Variants in SLC8A3 observed in about 807,000 individuals in gnomAD.
SLC8A3 encodes solute carrier family 8 member A3.
A neutral mutation model predicts 65.4 loss-of-function variants in SLC8A3; 37 were observed. The observed-to-expected ratio is 0.57, with a 90% CI of 0.44 to 0.74. The LOEUF is 0.74. Ranked by LOEUF, SLC8A3 falls within the 30% of genes least tolerant of loss-of-function variation. The pLI is 0.00. For synonymous variants in SLC8A3, 461 were observed against 444.5 expected (o/e 1.04, Z -0.47); for missense variants, 1,112 against 1,172.1 (o/e 0.95, Z 0.75).
chr14:70,109,236 C>G (rs1163798456), intron 2 of SLC8A3, among the ~76,000 whole-genome samples: 4 of 141,692 alleles, frequency 2.8e-5, no homozygotes, highest in Non-Finnish European at 6.0e-5. Context: ...GATACATGTG[C>G]TGAACATGCA....
At chr14:70,057,294 G>A (rs145162603) in intron 3 of SLC8A3, among the ~76,000 whole-genome samples, 3 of 149,462 alleles carry the variant, frequency 2.0e-5, no homozygotes, top group Admixed American at 6.7e-5. Context: ...AGGCAGATAG[G>A]TAGATAGATA....
intron 1 of SLC8A3, among the ~76,000 whole-genome samples, chr14:70,176,210 G>T (rs1215446923): frequency 1.3e-5 from 2 of 152,158 alleles, no homozygotes; most frequent in Non-Finnish European, 2.9e-5. Context: ...CACTGAGAGT[G>T]GGCCAGAGAG....
intron 2 of SLC8A3, among the ~76,000 whole-genome samples, chr14:70,098,651 C>T (rs1272965827): frequency 2.0e-5 from 3 of 152,300 alleles, no homozygotes; most frequent in Middle Eastern, 3.4e-3. Context: ...AGTCAGCTGT[C>T]CTGGTCAGCA....
chr14:70,132,086 T>A (rs1894874361), intron 2 of SLC8A3, among the ~76,000 whole-genome samples: 1 of 152,252 alleles, frequency 6.6e-6, no homozygotes, highest in Non-Finnish European at 1.5e-5. Context: ...AGGCTGGAGC[T>A]AAAGCCTGGA....
chr14:70,052,232 G>A (rs1594890658), intron 3 of SLC8A3, 118 bp from the exon 4 acceptor site: 3 of 1,275,810 alleles, frequency 2.4e-6, no homozygotes, highest in East Asian at 2.7e-5. Context: ...GGAATGGGGA[G>A]TTTATATATA....
intron 2 of SLC8A3, among the ~76,000 whole-genome samples, chr14:70,137,705 A>G (rs1895296479): frequency 1.3e-5 from 2 of 150,982 alleles, no homozygotes. Flanking sequence ...TTTCTCCTCT[A>G]TTTCAAGGTT....
At chr14:70,178,430 C>T (rs902816743) in intron 1 of SLC8A3, among the ~76,000 whole-genome samples, 3 of 152,178 alleles carry the variant, frequency 2.0e-5, no homozygotes, top group African/African-American at 4.8e-5. Context: ...GGTTTGGGGA[C>T]TTATGAACAC....
chr14:70,067,886 T>C (rs1889613412), intron 2 of SLC8A3, among the ~76,000 whole-genome samples: 1 of 152,194 alleles, frequency 6.6e-6, no homozygotes, highest in Admixed American at 6.5e-5. Context: ...AGTTACTTAA[T>C]GGTCATGGGG....
Position 70,166,749 on chromosome 14 carries a change from G to A in SLC8A3, c.1674C>T (p.Ala558=), listed in dbSNP as rs759361003. 1.2e-6 allele frequency: 2 copies of A among 1,613,888 alleles called. No individual in the cohort carries two copies. The highest frequency in any genetic ancestry group is 1.7e-6 in the Non-Finnish European group (2 of 1,179,820). The change falls in exon 2 of 7, where the codon GCC becomes GCT. Residue 558 remains alanine, a synonymous_variant. Coordinates refer to ENST00000356921, the MANE Select transcript of SLC8A3 (RefSeq NM_182932.3). ...TAAAGGGGACGATGACTGTACCCCG[G>A]GCACCTGATGTCCGCAGAACCTTGA... ...MEVKVLRTSG[A]RGTVIVPFRT... is the part of the protein sequence containing the mutation.
chr14:70,151,514 G>A (rs554618929), intron 2 of SLC8A3, among the ~76,000 whole-genome samples: 45 of 62,956 alleles, frequency 7.1e-4, no homozygotes, highest in East Asian at 6.7e-3. Flanking sequence ...GTGGGTCAGC[G>A]TCCTGAGGGC....
intron 2 of SLC8A3, among the ~76,000 whole-genome samples, chr14:70,139,419 G>A (rs1180978624): frequency 6.6e-6 from 1 of 152,228 alleles, no homozygotes; most frequent in Admixed American, 6.5e-5. Context: ...GCAGAGCAGA[G>A]CATTGAGTTC....
chr14:70,143,045 CT>C (rs1895678347), intron 2 of SLC8A3, among the ~76,000 whole-genome samples: 1 of 152,198 alleles, frequency 6.6e-6, no homozygotes, highest in Non-Finnish European at 1.5e-5. Context: ...CCAGCTTACC[CT>C]GTGGGGGCTC....
At chr14:70,119,409 C>G (rs758677903) in intron 2 of SLC8A3, among the ~76,000 whole-genome samples, 1 of 152,124 alleles carries the variant, frequency 6.6e-6, no homozygotes, top group African/African-American at 2.4e-5. Flanking sequence ...AAGGGCTTTG[C>G]TATGGTCAAG....
At chr14:70,174,072 C>T (rs1247562471) in intron 1 of SLC8A3, among the ~76,000 whole-genome samples, 1 of 152,124 alleles carries the variant, frequency 6.6e-6, no homozygotes, top group Admixed American at 6.5e-5. Flanking sequence ...TGCCTAAGAC[C>T]CCAGTTAGTA....
intron 2 of SLC8A3, among the ~76,000 whole-genome samples, chr14:70,122,620 G>C (rs2140188200): frequency 6.6e-6 from 1 of 152,290 alleles, no homozygotes; most frequent in South Asian, 2.1e-4. Context: ...GCTTAGCCAA[G>C]GGCCTGGACC....
At chr14:70,182,067 G>A (rs1445973535) in intron 1 of SLC8A3, among the ~76,000 whole-genome samples, 1 of 152,174 alleles carries the variant, frequency 6.6e-6, no homozygotes, top group East Asian at 1.9e-4. Context: ...GGATGAAGAA[G>A]AGGGGCATGG....
At chr14:70,093,207 G>A (rs1594971121) in intron 2 of SLC8A3, among the ~76,000 whole-genome samples, 1 of 152,290 alleles carries the variant, frequency 6.6e-6, no homozygotes, top group South Asian at 2.1e-4. Flanking sequence ...CAGAAGTGTT[G>A]GCTATTTCTT....
intron 2 of SLC8A3, among the ~76,000 whole-genome samples, chr14:70,117,570 C>A (rs1355941878): frequency 1.3e-5 from 2 of 152,186 alleles, no homozygotes; most frequent in Non-Finnish European, 2.9e-5. Flanking sequence ...AAAAACTAGA[C>A]CTGTGAGTAT....
chr14:70,085,394 G>T (rs906933555), intron 2 of SLC8A3, among the ~76,000 whole-genome samples: 1 of 152,102 alleles, frequency 6.6e-6, no homozygotes, highest in Non-Finnish European at 1.5e-5. Context: ...TACTGGTATT[G>T]CCATGAAGGT....
Sources: allele counts gnomAD v4.1 joint callset (sites outside exome capture counted in the v4.1 genomes callset), GRCh38; gene constraint gnomAD v4.1.1; transcripts MANE v1.5; gene names NCBI Gene and HGNC (gene_info 2026-07-23, HGNC 2026-07-21).